Variants in TRMU observed in about 807,000 individuals in gnomAD.
TRMU encodes the protein tRNA mitochondrial 2-thiouridylase, also known as mitochondrial tRNA-specific 2-thiouridylase 1.
Under a neutral mutation model 46.9 loss-of-function variants are expected in TRMU, and 49 were observed. That is an observed-to-expected ratio of 1.05 (90% confidence interval 0.83 to 1.33). The LOEUF (loss-of-function observed/expected upper bound fraction) is 1.33, where lower values mean the gene tolerates loss of function less well. Ranked by LOEUF, TRMU falls within the 40% of genes most tolerant of loss-of-function variation. The pLI is 0.00. For missense variants in TRMU, 572 were observed against 532.4 expected (o/e 1.07, Z -0.73); for synonymous variants, 241 against 200.9 (o/e 1.20, Z -1.69).
chr22:46,352,000 T>C lies in TRMU; in HGVS notation c.652-121T>C, dbSNP rs2147093845. 1.7e-6 allele frequency: 2 copies of C among 1,150,484 alleles called. No homozygotes were observed. Among genetic ancestry groups the C allele is most frequent in the African/African-American group, 1.5e-5 (1 of 66,130 alleles). 71.3% of individuals were successfully genotyped at this position (1,150,484 alleles called of 1,614,324 possible). On this transcript the variant is annotated intron_variant, in intron 5 of 10. Coordinates refer to ENST00000645190, the MANE Select transcript of TRMU (RefSeq NM_018006.5). The surrounding 1 kb of genome is among the most constrained non-coding windows in gnomAD (Gnocchi z 6.4). Reference sequence around the variant, plus strand: ...GGGTGCCGGTGGGCAGCCGGGCCCCTACCCTGGAAGCAAAGTGTGGGGTGA... The same window carrying C: ...GGGTGCCGGTGGGCAGCCGGGCCCCCACCCTGGAAGCAAAGTGTGGGGTGA...
Position 46,356,056 on chromosome 22 carries a change from C to T in TRMU, c.1085C>T (p.Ala362Val). Residue 362 changes from alanine to valine, a missense_variant, in exon 10 of 11, where the codon GCC becomes GTC. Ala to Val is a moderately conservative substitution (Grantham distance 64). Transcript: ENST00000645190. ...GTGACAGCTGTGCAGGCTGTGCGTGCCCTTGCCACAGGACAGGTGCGTGGG... is the reference window on the plus strand; with the variant it reads ...GTGACAGCTGTGCAGGCTGTGCGTGTCCTTGCCACAGGACAGGTGCGTGGG... ...VWVTAVQAVRALATGQFAVFY... is the reference protein window; with the variant it reads ...VWVTAVQAVRVLATGQFAVFY... 1 of 1,613,984 alleles carries T rather than the reference C, an allele frequency of 6.2e-7. No homozygotes were observed. Among genetic ancestry groups the T allele is most frequent in the Admixed American group, 1.7e-5 (1 of 60,026 alleles).
chr22:46,355,562 TC>T lies in TRMU; in HGVS notation c.994del (p.Arg332AspfsTer8). The T allele has an allele frequency of 2.5e-6, 4 of 1,613,298 alleles. No individual in the cohort carries two copies. Among genetic ancestry groups the T allele is most frequent in the East Asian group, 2.2e-5 (1 of 44,872 alleles). On this transcript the variant is annotated frameshift_variant, in exon 9 of 11. Coordinates refer to ENST00000645190, the MANE Select transcript of TRMU (RefSeq NM_018006.5). LOFTEE classifies it high-confidence loss of function. Reference sequence around the variant, plus strand: ...CGGGACAAGATGATGGAGTGCCACTTCCGATTCCGCCACCAGATGGCACTAG... The same window carrying T: ...CGGGACAAGATGATGGAGTGCCACTTCGATTCCGCCACCAGATGGCACTAG... ...LVRDKMMECHFRFRHQMALVP... is the reference protein window; with the variant it reads ...LVRDKMMECHXRFRHQMALVP...
rs2078640315 is a variant in TRMU, at chr22:46,357,192, CTCTGGCTGCTGGAGCATCT to C, written c.*187_*205del. The C allele has an allele frequency of 1.3e-6, 1 of 762,638 alleles. No homozygotes were observed. 47.2% of individuals were successfully genotyped at this position (762,638 alleles called of 1,614,324 possible). A position where few individuals can be genotyped will look rare whatever the true frequency, so the allele number is the denominator to read the frequency against. ...GAAGAGCCTCAGCTCCAGGCTGGGG[CTCTGGCTGCTGGAGCATCT>C]GCTGGCTGGTGGGGTGGCCCGAGTT... On this transcript the variant is annotated 3_prime_UTR_variant, in exon 11 of 11. Coordinates refer to ENST00000645190, the MANE Select transcript of TRMU (RefSeq NM_018006.5).
rs2078030127 is a variant in TRMU, at chr22:46,338,161, AT to A, written c.248+221del. The A allele has an allele frequency of 1.0e-5, 6 of 584,024 alleles. No individual in the cohort carries two copies. The highest frequency in any genetic ancestry group is 1.5e-5 in the Non-Finnish European group (5 of 328,358). 36.2% of individuals were successfully genotyped at this position (584,024 alleles called of 1,614,324 possible). A position where few individuals can be genotyped will look rare whatever the true frequency, so the allele number is the denominator to read the frequency against. On this transcript the variant is annotated intron_variant, in intron 2 of 10. Coordinates refer to ENST00000645190, the MANE Select transcript of TRMU (RefSeq NM_018006.5). The surrounding 1 kb of genome is among the most constrained non-coding windows in gnomAD (Gnocchi z 4.5). Reference sequence around the variant, plus strand: ...CACACCCAGCTCTCTCACTCCTGTCATTTTGCCACTTGCCTGAAGTCTCTTT... The same window carrying A: ...CACACCCAGCTCTCTCACTCCTGTCATTTGCCACTTGCCTGAAGTCTCTTT...
Position 46,346,403 on chromosome 22 carries a change from T to A in TRMU, c.356-19T>A. ...GTATGAGTCTAAAACCTGATCCTTGTGTTCTAAAAACCTCACAGGGGCAGA... is the reference window on the plus strand; with the variant it reads ...GTATGAGTCTAAAACCTGATCCTTGAGTTCTAAAAACCTCACAGGGGCAGA... On this transcript the variant is annotated intron_variant, in intron 3 of 10. Coordinates refer to ENST00000645190, the MANE Select transcript of TRMU (RefSeq NM_018006.5). 6.2e-7 allele frequency: 1 copy of A among 1,610,206 alleles called. No homozygotes were observed. The highest frequency in any genetic ancestry group is 8.5e-7 in the Non-Finnish European group (1 of 1,177,814).
chr22:46,343,476 C>G (rs2078176528), intron 3 of TRMU, 108 bp downstream of exon 3: 1 of 829,424 alleles, frequency 1.2e-6, no homozygotes, highest in Non-Finnish European at 2.0e-6. Context: ...GCCTCGACCT[C>G]CTGGGCTCAA....
chr22:46,352,702 G>T (rs1397722040), intron 7 of TRMU: 2 of 365,570 alleles, frequency 5.5e-6, no homozygotes, highest in Admixed American at 3.8e-5. Context: ...GGACGTCCCG[G>T]CATGGTGTGA....
At position 46,355,991 on chromosome 22, in the gene TRMU, G is replaced by T; in HGVS notation, c.1020G>T (p.Val340=). The T allele has an allele frequency of 6.2e-7, 1 of 1,613,968 alleles. No individual in the cohort carries two copies. The highest frequency in any genetic ancestry group is 1.7e-5 in the Admixed American group (1 of 60,030). ...HFRFRHQMAL[V]PCVLTLNQDG... ...CAAGGGCCCCTCTCTTCTACCCAGT[G>T]CCCTGTGTGCTGACCCTCAATCAAG... The change falls in exon 10 of 11, where the codon GTG becomes GTT. Residue 340 remains valine, a splice_region_variant and synonymous_variant. Transcript: ENST00000645190.
intron 2 of TRMU, among the ~76,000 whole-genome samples, chr22:46,340,565 G>T (rs1191547300): frequency 6.6e-6 from 1 of 150,406 alleles, no homozygotes; most frequent in African/African-American, 2.5e-5. Context: ...TTAAAACCCA[G>T]AATTAGGAGC....
In TRMU at chr22:46,347,543, C is replaced by G. The variant is rs1050018053; in HGVS notation, c.478+999C>G. ...TTTTCATTTTTTGTAGAGATGAGGTCTCGTTAATGTTGTCCGTGCTGGTCT... is the reference window on the plus strand; with the variant it reads ...TTTTCATTTTTTGTAGAGATGAGGTGTCGTTAATGTTGTCCGTGCTGGTCT... On this transcript the variant is annotated intron_variant, in intron 4 of 10. Transcript: ENST00000645190. This position sits in a 1 kb window ranked among gnomAD's most constrained non-coding sequence, Gnocchi z 5.0. The G allele has an allele frequency of 1.3e-5, 2 of 151,704 alleles. No homozygotes were observed. The highest frequency in any genetic ancestry group is 2.9e-5 in the Non-Finnish European group (2 of 67,982). 9.4% of individuals were successfully genotyped at this position (151,704 alleles called of 1,614,324 possible).
intron 2 of TRMU, among the ~76,000 whole-genome samples, chr22:46,341,899 T>C (rs6007886): frequency 0.26 from 40,128 of 152,142 alleles, 8,113 homozygotes; most frequent in African/African-American, 0.56. Flanking sequence ...GACGCAGCAT[T>C]CCAGGCTGAG....
intron 10 of TRMU, chr22:46,356,544 C>G (rs983715588): frequency 2.1e-6 from 1 of 482,752 alleles, no homozygotes; most frequent in Non-Finnish European, 3.8e-6. Context: ...CCTGTCACAG[C>G]TCCACATTCC....
intron 2 of TRMU, among the ~76,000 whole-genome samples, chr22:46,343,004 C>T (rs1485204923): frequency 6.6e-6 from 1 of 152,230 alleles, no homozygotes; most frequent in South Asian, 2.1e-4. Context: ...CTCCCCACTC[C>T]TGACCCCATA....
intron 7 of TRMU, chr22:46,352,778 T>C (rs950825610): frequency 3.1e-5 from 10 of 317,672 alleles, no homozygotes; most frequent in Non-Finnish European, 4.3e-5. Context: ...TGCTCGCTCA[T>C]GTGCAGACCC....
intron 1 of TRMU, 120 bp downstream of exon 1, chr22:46,335,966 G>C (rs1324485872): frequency 1.4e-6 from 2 of 1,481,288 alleles, no homozygotes; most frequent in African/African-American, 2.9e-5. Flanking sequence ...CGCGCGGGTC[G>C]GCAGGAGGAT....
chr22:46,338,591 G>A lies in TRMU; in HGVS notation c.248+647G>A, dbSNP rs2078040824. ...CCCAGAGGAGGGAGAAACTTGCAGT[G>A]TGGAGTAATCAAGAAGGCTTCACCG... On this transcript the variant is annotated intron_variant, in intron 2 of 10. Transcript: ENST00000645190. This position sits in a 1 kb window ranked among gnomAD's most constrained non-coding sequence, Gnocchi z 4.5. Among the ~76,000 whole-genome samples, 1 of 152,246 alleles carries A rather than the reference G, an allele frequency of 6.6e-6. No homozygotes were observed. The highest frequency in any genetic ancestry group is 2.4e-5 in the African/African-American group (1 of 41,462).
intron 2 of TRMU, among the ~76,000 whole-genome samples, chr22:46,340,426 G>A (rs1198078790): frequency 2.0e-5 from 3 of 152,246 alleles, no homozygotes; most frequent in Non-Finnish European, 4.4e-5. Context: ...AGCTTTTTCA[G>A]AACGTACGAG....
At chr22:46,352,048 CTCAGGACG>C (rs1216188390) in intron 5 of TRMU, 65 bp from the exon 6 acceptor site, 1 of 1,562,240 alleles carries the variant, frequency 6.4e-7, no homozygotes, top group Non-Finnish European at 8.8e-7. Context: ...CCAGGGCCCG[CTCAGGACG>C]TCTGGGTACA....
intron 7 of TRMU, 73 bp downstream of exon 7, chr22:46,352,403 C>T: frequency 6.4e-7 from 1 of 1,555,412 alleles, no homozygotes; most frequent in Non-Finnish European, 8.9e-7. Flanking sequence ...GGAGACTAGA[C>T]CAGAGTTCCT....
Sources: allele counts gnomAD v4.1 joint callset (sites outside exome capture counted in the v4.1 genomes callset), GRCh38; gene constraint gnomAD v4.1.1; non-coding constraint Gnocchi (gnomAD v3.1); transcripts MANE v1.5; gene names NCBI Gene and HGNC (gene_info 2026-07-23, HGNC 2026-07-21).